The following ELN variants were observed in gnomAD, a reference collection of about 807,000 sequenced individuals.
ELN encodes tropoelastin.
ELN carries 65 observed loss-of-function variants against 105.8 expected under a neutral mutation model. That is an observed-to-expected ratio of 0.61 (90% CI 0.50 to 0.75). The LOEUF (loss-of-function observed/expected upper bound fraction) is 0.75, where lower values mean the gene tolerates loss of function less well. ELN is among the 30% of genes least tolerant of loss of function. ELN has a pLI of 0.00. For synonymous variants in ELN, 368 were observed against 389.2 expected (o/e 0.95, Z 0.64); for missense variants, 882 against 969.4 (o/e 0.91, Z 1.20).
At chr7:74,052,299 T>G (rs1472577677) in intron 17 of ELN, 7 of 448,084 alleles carry the variant, frequency 1.6e-5, no homozygotes, top group African/African-American at 1.4e-4. Context: ...TGACTGTGCT[T>G]TAGGAATAGA....
At chr7:74,028,886 G>A (rs1788041807) in intron 1 of ELN, among the ~76,000 whole-genome samples, 1 of 152,052 alleles carries the variant, frequency 6.6e-6, no homozygotes. Flanking sequence ...GTGTGTGCAT[G>A]CACACAGGAA....
chr7:74,043,597 C>A, intron 8 of ELN: 1 of 636,994 alleles, frequency 1.6e-6, no homozygotes, highest in Admixed American at 2.3e-5. Flanking sequence ...GTCTACGCAG[C>A]AGGGAGGGAC....
intron 1 of ELN, 79 bp downstream of exon 1, chr7:74,028,348 G>C (rs1554660236): frequency 1.3e-6 from 2 of 1,492,740 alleles, no homozygotes; most frequent in Non-Finnish European, 1.8e-6. Context: ...CGCTCAAGGG[G>C]GAGACCTTCG....
At chr7:74,051,117 C>G (rs1199426290) in intron 15 of ELN, among the ~76,000 whole-genome samples, 31 of 152,136 alleles carry the variant, frequency 2.0e-4, no homozygotes, top group Non-Finnish European at 7.4e-5. Flanking sequence ...TCCCCTGCCC[C>G]AGGTAGTGCC....
intron 22 of ELN, 54 bp from the exon 23 acceptor site, chr7:74,059,832 T>C (rs1554682722): frequency 3.4e-6 from 3 of 887,514 alleles, no homozygotes; most frequent in Non-Finnish European, 5.8e-6. Context: ...TCCATAAGCT[T>C]CTGTCCTCTT....
intron 17 of ELN, 150 bp downstream of exon 17, chr7:74,052,133 T>G: frequency 1.2e-6 from 1 of 830,764 alleles, no homozygotes; most frequent in Non-Finnish European, 1.9e-6. Flanking sequence ...CTGATCACTC[T>G]ACCTGAGATG....
At chr7:74,041,005 G>T (rs915922055) in intron 4 of ELN, among the ~76,000 whole-genome samples, 1 of 152,136 alleles carries the variant, frequency 6.6e-6, no homozygotes, top group Non-Finnish European at 1.5e-5. Context: ...GTTAGGGATC[G>T]GTGCAATGAC....
At chr7:74,053,830 G>T (rs543766590) in intron 18 of ELN, among the ~76,000 whole-genome samples, 3 of 152,086 alleles carry the variant, frequency 2.0e-5, no homozygotes, top group African/African-American at 7.2e-5. Flanking sequence ...GTGGATGTGT[G>T]GGTGGATGGG....
In ELN at chr7:74,028,210, C is replaced by T; in HGVS notation, c.23C>T (p.Ala8Val). The change falls in exon 1 of 33, where the codon GCC becomes GTC. Residue 8 changes from alanine (A) to valine (V), a missense_variant. Coordinates refer to ENST00000252034, the MANE Select transcript of ELN (RefSeq NM_000501.4). The stretch of plus-strand genomic sequence containing the variant: ...GAGATGGCGGGTCTGACGGCGGCGG[C>T]CCCGCGGCCCGGAGTCCTCCTGCTC... The part of the protein sequence containing the change: MAGLTAA[A>V]PRPGVLLLLL... 1 of 1,611,246 alleles carries T rather than the reference C, an allele frequency of 6.2e-7. No homozygotes were observed.
chr7:74,046,739 G>A lies in ELN; in HGVS notation c.615G>A (p.Gly205=). 1.2e-6 allele frequency: 2 copies of A among 1,614,156 alleles called. No homozygotes were observed. The highest frequency in any genetic ancestry group is 1.7e-6 in the Non-Finnish European group (2 of 1,180,020). ...FGGPQPGVPL[G]YPIKAPKLPG... is the part of the protein sequence containing the mutation. Reference sequence around the variant, plus strand: ...GACCGCAACCTGGAGTCCCACTGGGGTATCCCATCAAGGCCCCCAAGCTGC... The same window carrying A: ...GACCGCAACCTGGAGTCCCACTGGGATATCCCATCAAGGCCCCCAAGCTGC... Residue 205 remains glycine (G), a synonymous_variant, in exon 12 of 33, where the codon GGG becomes GGA. Transcript: ENST00000252034.
intron 4 of ELN, among the ~76,000 whole-genome samples, chr7:74,039,899 T>C (rs1790779841): frequency 6.6e-6 from 1 of 152,222 alleles, no homozygotes; most frequent in Non-Finnish European, 1.5e-5. Context: ...AGGGTCTGAA[T>C]CTAGAACTCT....
chr7:74,057,206 C>A (rs1175283379), intron 21 of ELN, among the ~76,000 whole-genome samples: 5 of 151,898 alleles, frequency 3.3e-5, no homozygotes, highest in African/African-American at 1.2e-4. Flanking sequence ...CCATTGCACT[C>A]CAGCCTGGGT....
chr7:74,046,334 G>A, intron 11 of ELN, 117 bp downstream of exon 11: 2 of 1,456,156 alleles, frequency 1.4e-6, no homozygotes, highest in Non-Finnish European at 1.9e-6. Flanking sequence ...CACGCCTGCA[G>A]AGCCAGGTCT....
Position 74,057,624 on chromosome 7 carries a change from C to G in ELN, c.1358-16C>G. On this transcript the variant is annotated splice_polypyrimidine_tract_variant and intron_variant, in intron 21 of 32. Coordinates refer to ENST00000252034, the MANE Select transcript of ELN (RefSeq NM_000501.4). ...GTGAGAGATTACTCTCTCACCCCTT[C>G]TCTTCACACCTCCAGGAGTGGGGAC... 6.2e-7 allele frequency: 1 copy of G among 1,613,900 alleles called. No individual in the cohort carries two copies. Among genetic ancestry groups the G allele is most frequent in the Non-Finnish European group, 8.5e-7 (1 of 1,179,974 alleles).
chr7:74,036,550 C>CA lies in ELN; in HGVS notation c.134-4dup, dbSNP rs878854451. On this transcript the variant is annotated splice_region_variant and splice_polypyrimidine_tract_variant and intron_variant, in intron 2 of 32. Coordinates refer to ENST00000252034, the MANE Select transcript of ELN (RefSeq NM_000501.4). Reference sequence around the variant, plus strand: ...ATCTCTCTTTCTCTTTCTCTCCCCCCACAGGGGCTGGTCTCGGAGCCCTTG... The same window carrying CA: ...ATCTCTCTTTCTCTTTCTCTCCCCCCAACAGGGGCTGGTCTCGGAGCCCTTG... The CA allele has an allele frequency of 1.9e-6, 3 of 1,613,962 alleles. No individual in the cohort carries two copies. Among genetic ancestry groups the CA allele is most frequent in the African/African-American group, 1.3e-5 (1 of 74,912 alleles).
chr7:74,030,272 G>A (rs1186504728), intron 1 of ELN, among the ~76,000 whole-genome samples: 1 of 152,214 alleles, frequency 6.6e-6, no homozygotes, highest in Non-Finnish European at 1.5e-5. Flanking sequence ...TGTCCTGGGG[G>A]AGCCTGGCTT....
intron 22 of ELN, among the ~76,000 whole-genome samples, chr7:74,059,049 T>G (rs1449407480): frequency 6.6e-6 from 1 of 151,620 alleles, no homozygotes; most frequent in African/African-American, 2.4e-5. Context: ...GTATCCCTAG[T>G]AGCTGGGGCT....
At chr7:74,054,504 G>A (rs1218298144) in intron 18 of ELN, among the ~76,000 whole-genome samples, 1 of 151,754 alleles carries the variant, frequency 6.6e-6, no homozygotes, top group African/African-American at 2.4e-5. Context: ...GACAGGTATA[G>A]AGGTGGGTCA....
chr7:74,059,826 T>A, intron 22 of ELN, 60 bp from the exon 23 acceptor site: 1 of 875,870 alleles, frequency 1.1e-6, no homozygotes, highest in Non-Finnish European at 2.0e-6. Context: ...CCTCTTTCCA[T>A]AAGCTTCTGT....
Sources: gnomAD v4.1 joint callset for allele counts (sites outside exome capture counted in the v4.1 genomes callset) on GRCh38, gnomAD v4.1.1 for gene constraint, MANE v1.5 for transcripts, NCBI Gene and HGNC (gene_info 2026-07-23, HGNC 2026-07-21) for gene names.